Variants in FOXN3 observed in about 807,000 individuals in gnomAD.
FOXN3 encodes forkhead box N3.
A neutral mutation model predicts 38.4 loss-of-function variants in FOXN3; 7 were observed. That is an observed-to-expected ratio of 0.18 (90% CI 0.10 to 0.34). The LOEUF is 0.34. FOXN3 is among the 10% of genes least tolerant of loss of function. FOXN3 has a pLI of 1.00. For synonymous variants in FOXN3, 230 were observed against 242.2 expected (o/e 0.95, Z 0.47); for missense variants, 456 against 613.4 (o/e 0.74, Z 2.71).
At chr14:89,377,257 T>C (rs1298904454) in intron 2 of FOXN3, among the ~76,000 whole-genome samples, 3 of 151,112 alleles carry the variant, frequency 2.0e-5, no homozygotes, top group Non-Finnish European at 4.4e-5. Context: ...ACTAAAGAGA[T>C]TAAAGAGATA....
At chr14:89,470,625 G>A (rs1410191781) in intron 1 of FOXN3, among the ~76,000 whole-genome samples, 2 of 152,208 alleles carry the variant, frequency 1.3e-5, no homozygotes, top group Non-Finnish European at 2.9e-5. Context: ...CTATATTCCA[G>A]ATAGCTGAAT....
intron 1 of FOXN3, among the ~76,000 whole-genome samples, chr14:89,600,586 C>T (rs375321269): frequency 1.3e-5 from 2 of 152,274 alleles, no homozygotes; most frequent in African/African-American, 2.4e-5. Context: ...TTGGCCACGT[C>T]GAAGATATGG....
chr14:89,449,338 C>T (rs1892570494), intron 1 of FOXN3, among the ~76,000 whole-genome samples: 1 of 152,202 alleles, frequency 6.6e-6, no homozygotes. Context: ...ATATGAGCTT[C>T]CCTTTGCCTT....
chr14:89,412,623 G>C lies in FOXN3; in HGVS notation c.-14-133C>G. 1 of 646,604 alleles carries C rather than the reference G, an allele frequency of 1.5e-6. No individual in the cohort carries two copies. The highest frequency in any genetic ancestry group is 2.6e-6 in the Non-Finnish European group (1 of 384,872). 40.1% of individuals were successfully genotyped at this position (646,604 alleles called of 1,614,324 possible). A position where few individuals can be genotyped will look rare whatever the true frequency, so the allele number is the denominator to read the frequency against. On this transcript the variant is annotated intron_variant, in intron 1 of 5. Coordinates refer to ENST00000557258, the MANE Select transcript of FOXN3 (RefSeq NM_005197.4). The surrounding 1 kb of genome is among the most constrained non-coding windows in gnomAD (Gnocchi z 4.7). ...CTGCTACACAGGAACACCACCTTGT[G>C]ACTCCCACACTAAGCAACACAATCC...
intron 3 of FOXN3, among the ~76,000 whole-genome samples, chr14:89,282,895 C>T (rs530341889): frequency 6.6e-6 from 1 of 152,286 alleles, no homozygotes; most frequent in Admixed American, 6.5e-5. Context: ...AAGATTCTTA[C>T]AACATACCTA....
chr14:89,311,093 C>T (rs1432987441), intron 3 of FOXN3, among the ~76,000 whole-genome samples: 9 of 118,846 alleles, frequency 7.6e-5, no homozygotes, highest in South Asian at 2.8e-4. Context: ...GCAACAATCG[C>T]GAAACTCCGT....
At chr14:89,409,193 C>T (rs1466067038) in intron 2 of FOXN3, 1 of 152,266 alleles carries the variant, frequency 6.6e-6, no homozygotes, top group Admixed American at 6.5e-5. Context: ...CATGTCAACA[C>T]AGGTCAGGAT....
chr14:89,376,329 C>A (rs1596237588), intron 2 of FOXN3, among the ~76,000 whole-genome samples: 2 of 152,174 alleles, frequency 1.3e-5, no homozygotes, highest in African/African-American at 4.8e-5. Context: ...TATAAAACAA[C>A]TGACTAAATA....
intron 1 of FOXN3, among the ~76,000 whole-genome samples, chr14:89,602,391 G>A (rs1241537699): frequency 1.3e-5 from 2 of 152,072 alleles, no homozygotes; most frequent in Non-Finnish European, 2.9e-5. Flanking sequence ...AAATATGTCA[G>A]CAGGTATCTC....
chr14:89,306,038 T>C (rs1348670176), intron 3 of FOXN3, among the ~76,000 whole-genome samples: 1 of 152,200 alleles, frequency 6.6e-6, no homozygotes, highest in Non-Finnish European at 1.5e-5. Context: ...ACCACCATTT[T>C]CACAACCCTT....
intron 1 of FOXN3, among the ~76,000 whole-genome samples, chr14:89,429,686 C>T (rs1229513863): frequency 2.0e-5 from 3 of 152,180 alleles, no homozygotes; most frequent in East Asian, 1.9e-4. Flanking sequence ...GGGGAACAGG[C>T]GGCCCCAGCA....
intron 3 of FOXN3, among the ~76,000 whole-genome samples, chr14:89,298,792 A>T (rs1887126859): frequency 6.6e-6 from 1 of 152,252 alleles, no homozygotes. Flanking sequence ...AATTAGCTCA[A>T]GGATTCTGAG....
chr14:89,300,824 T>G (rs2139946229), intron 3 of FOXN3, among the ~76,000 whole-genome samples: 1 of 152,094 alleles, frequency 6.6e-6, no homozygotes, highest in Non-Finnish European at 1.5e-5. Flanking sequence ...TGAGATGGAG[T>G]CTCGCTCTGT....
chr14:89,331,925 A>G (rs1301301967), intron 3 of FOXN3, among the ~76,000 whole-genome samples: 1 of 152,184 alleles, frequency 6.6e-6, no homozygotes, highest in African/African-American at 2.4e-5. Flanking sequence ...TCCTTGGAAT[A>G]TGTTGATCAG....
chr14:89,450,527 A>C (rs1403935524), intron 1 of FOXN3, among the ~76,000 whole-genome samples: 6 of 152,042 alleles, frequency 3.9e-5, no homozygotes, highest in Non-Finnish European at 8.8e-5. Flanking sequence ...GAGGGGCAGG[A>C]ATAGCTCTTC....
intron 1 of FOXN3, among the ~76,000 whole-genome samples, chr14:89,507,187 G>T (rs887571377): frequency 6.6e-6 from 1 of 150,910 alleles, no homozygotes; most frequent in East Asian, 1.9e-4. Flanking sequence ...ACACAGCATG[G>T]ACAGCAGCTG....
intron 1 of FOXN3, among the ~76,000 whole-genome samples, chr14:89,550,693 C>T (rs1647588415): frequency 2.0e-5 from 3 of 152,202 alleles, no homozygotes; most frequent in African/African-American, 7.2e-5. Context: ...CCACATCAGT[C>T]ATAATCCAAA....
At chr14:89,168,125 T>C (rs936083686) in intron 5 of FOXN3, among the ~76,000 whole-genome samples, 1 of 152,002 alleles carries the variant, frequency 6.6e-6, no homozygotes, top group Non-Finnish European at 1.5e-5. Context: ...TTAAACACAA[T>C]GGGAATAAGC....
At chr14:89,219,774 T>C (rs1884404997) in intron 4 of FOXN3, among the ~76,000 whole-genome samples, 1 of 152,224 alleles carries the variant, frequency 6.6e-6, no homozygotes, top group South Asian at 2.1e-4. Flanking sequence ...TGTCAATGAA[T>C]GTTAGCTACT....
Sources: allele counts gnomAD v4.1 joint callset (sites outside exome capture counted in the v4.1 genomes callset), GRCh38; gene constraint gnomAD v4.1.1; non-coding constraint Gnocchi (gnomAD v3.1); transcripts MANE v1.5; gene names NCBI Gene and HGNC (gene_info 2026-07-23, HGNC 2026-07-21).